Variants in ANKFN1 observed in about 807,000 individuals in gnomAD.
ANKFN1 encodes ankyrin repeat and fibronectin type III domain containing 1, also known as ankyrin repeat and fibronectin type-III domain-containing protein 1.
A neutral mutation model predicts 108.7 loss-of-function variants in ANKFN1; 74 were observed. The ratio of observed to expected loss-of-function variants is 0.68; its 90% CI spans 0.56 to 0.83. ANKFN1 has a LOEUF of 0.83. Ranked by LOEUF, ANKFN1 falls within the 40% of genes least tolerant of loss-of-function variation. ANKFN1 has a pLI of 0.00. For synonymous variants in ANKFN1, 547 were observed against 516.2 expected (o/e 1.06, Z -0.81); for missense variants, 1,505 against 1,382.3 (o/e 1.09, Z -1.41).
At position 56,267,884 on chromosome 17, in the gene ANKFN1, T is replaced by C. The variant is rs528899035; in HGVS notation, c.53+39927T>C. ...ATTGCTTTGGCTATTTGGGCTCTTT[T>C]TTGGTTCCATAGGATTTTTAGAATT... On this transcript the variant is annotated intron_variant, in intron 3 of 20. Transcript: ENST00000682825. Among the ~76,000 whole-genome samples the C allele has an allele frequency of 3.7e-4, 57 of 152,330 alleles. No homozygotes were observed. The South Asian group carries it at 0.011, about 30-fold the overall frequency.
At chr17:56,175,113 T>C (rs1460652885) in intron 1 of ANKFN1, among the ~76,000 whole-genome samples, 2 of 152,210 alleles carry the variant, frequency 1.3e-5, no homozygotes, top group Non-Finnish European at 2.9e-5. Context: ...CAGACTACCA[T>C]CTACCATTAT....
At chr17:56,160,325 G>A (rs549210182) in intron 1 of ANKFN1, among the ~76,000 whole-genome samples, 2 of 152,206 alleles carry the variant, frequency 1.3e-5, no homozygotes, top group Non-Finnish European at 1.5e-5. Context: ...TACAAACTCT[G>A]CAAGTTTCTA....
At chr17:56,260,956 G>T in intron 3 of ANKFN1, among the ~76,000 whole-genome samples, 1 of 152,234 alleles carries the variant, frequency 6.6e-6, no homozygotes, top group East Asian at 1.9e-4. Context: ...ACAGTAGACT[G>T]TTCAGCCATT....
chr17:56,489,659 T>C (rs1451319381), intron 18 of ANKFN1, among the ~76,000 whole-genome samples: 1 of 152,120 alleles, frequency 6.6e-6, no homozygotes, highest in Non-Finnish European at 1.5e-5. Context: ...AGTGTTTCTT[T>C]TAAAGAAGTT....
chr17:56,323,917 T>A (rs1170155485), intron 3 of ANKFN1, among the ~76,000 whole-genome samples: 1 of 151,804 alleles, frequency 6.6e-6, no homozygotes, highest in Non-Finnish European at 1.5e-5. Flanking sequence ...GATGGCAGAG[T>A]ATAAGGTGTC....
chr17:56,161,394 T>C (rs1054601787), intron 1 of ANKFN1, among the ~76,000 whole-genome samples: 3 of 152,190 alleles, frequency 2.0e-5, no homozygotes, highest in Non-Finnish European at 2.9e-5. Context: ...TTATTTCCAT[T>C]TCGTATCCCA....
intron 15 of ANKFN1, among the ~76,000 whole-genome samples, chr17:56,467,689 AAGAAAG>A: frequency 6.7e-6 from 1 of 149,738 alleles, no homozygotes; most frequent in East Asian, 2.0e-4. Context: ...AAAAAAAAAA[AAGAAAG>A]AAAAGAAAAG....
At position 56,511,107 on chromosome 17, in the gene ANKFN1, G is replaced by A; in HGVS notation, c.3279G>A (p.Glu1093=). 6.5e-7 allele frequency: 1 copy of A among 1,535,996 alleles called. No homozygotes were observed. The stretch of plus-strand genomic sequence containing the variant: ...CTTCCGTCCGCCGCCTCTACGTGGA[G>A]CCCTACGCAGCGGCCGTGGTGGCCC... The part of the protein sequence containing the change: ...ARPSVRRLYV[E]PYAAAVVAQD... The change falls in exon 21 of 21, where the codon GAG becomes GAA. Residue 1093 remains glutamate, a synonymous_variant. Coordinates refer to ENST00000682825, the MANE Select transcript of ANKFN1 (RefSeq NM_001370326.1).
chr17:56,153,359 G>A (rs2143450078), upstream of ANKFN1: 2 of 918,700 alleles, frequency 2.2e-6, no homozygotes, highest in Non-Finnish European at 3.5e-6. Context: ...GGACACTCCT[G>A]GAGCCAAGCC....
intron 3 of ANKFN1, among the ~76,000 whole-genome samples, chr17:56,274,724 G>A (rs2043878963): frequency 6.6e-6 from 1 of 152,078 alleles, no homozygotes; most frequent in Admixed American, 6.6e-5. Context: ...CTGGCAATTT[G>A]CCTGGGTTTT....
Position 56,456,395 on chromosome 17 carries a change from T to C in ANKFN1, c.1208-466T>C, listed in dbSNP as rs528277486. Among the ~76,000 whole-genome samples, 29 of 133,966 alleles carry C rather than the reference T, an allele frequency of 2.2e-4. No individual in the cohort carries two copies. The East Asian group carries it at 6.5e-3, about 30-fold the overall frequency. 87.9% of individuals were successfully genotyped at this position (133,966 alleles called of 152,430 possible). On this transcript the variant is annotated intron_variant, in intron 11 of 20. Transcript: ENST00000682825. ...CATCTCAAGATACCAGAGCTTCTTT[T>C]TTTCTCTTTTTTTTTTTTTTTTTTT...
intron 18 of ANKFN1, among the ~76,000 whole-genome samples, chr17:56,486,385 C>A (rs2050858361): frequency 6.6e-6 from 1 of 152,288 alleles, no homozygotes; most frequent in African/African-American, 2.4e-5. Flanking sequence ...CTCTCTAATA[C>A]AATGATTATT....
intron 8 of ANKFN1, among the ~76,000 whole-genome samples, chr17:56,414,738 G>A (rs1203243355): frequency 2.0e-5 from 3 of 152,132 alleles, no homozygotes; most frequent in African/African-American, 7.2e-5. Flanking sequence ...ACCCTCAAAA[G>A]GCTAGGCATG....
At chr17:56,494,430 A>T (rs2051132909) in intron 19 of ANKFN1, among the ~76,000 whole-genome samples, 1 of 152,120 alleles carries the variant, frequency 6.6e-6, no homozygotes, top group Non-Finnish European at 1.5e-5. Flanking sequence ...CATATAAAGG[A>T]TAGTGGAGCA....
intron 1 of ANKFN1, among the ~76,000 whole-genome samples, chr17:56,202,907 C>T (rs72831996): frequency 0.32 from 48,079 of 152,034 alleles, 9,056 homozygotes; most frequent in East Asian, 0.51. Flanking sequence ...CATACACATG[C>T]ATACACACAT....
chr17:56,196,168 T>C (rs1222685172), intron 1 of ANKFN1, among the ~76,000 whole-genome samples: 1 of 151,968 alleles, frequency 6.6e-6, no homozygotes, highest in Non-Finnish European at 1.5e-5. Flanking sequence ...CTTGGGAGGA[T>C]TGACTTGAGC....
chr17:56,436,191 A>G, intron 8 of ANKFN1, among the ~76,000 whole-genome samples: 1 of 152,358 alleles, frequency 6.6e-6, no homozygotes, highest in Admixed American at 6.5e-5. Flanking sequence ...TGTTAAAATA[A>G]CAAGGAATCC....
chr17:56,488,093 A>C (rs181043429), intron 18 of ANKFN1, among the ~76,000 whole-genome samples: 1 of 152,208 alleles, frequency 6.6e-6, no homozygotes, highest in East Asian at 1.9e-4. Context: ...TTTTAAGAAA[A>C]GGGATGATGT....
chr17:56,133,837 G>C (rs1333638840), intron 4 of ANKFN1, among the ~76,000 whole-genome samples: 1 of 151,680 alleles, frequency 6.6e-6, no homozygotes, highest in African/African-American at 2.4e-5. Context: ...TCTGACACCA[G>C]ATGTGCAGGG....
Sources: allele counts gnomAD v4.1 joint callset (sites outside exome capture counted in the v4.1 genomes callset), GRCh38; gene constraint gnomAD v4.1.1; transcripts MANE v1.5; gene names NCBI Gene and HGNC (gene_info 2026-07-23, HGNC 2026-07-21).